The following PALLD variants were observed in gnomAD, a reference collection of about 807,000 sequenced individuals.
The protein encoded by PALLD is palladin, cytoskeletal associated protein.
In PALLD, 61 loss-of-function variants were observed where a neutral mutation model predicts 123.5. The observed-to-expected ratio is 0.49, with a 90% CI of 0.40 to 0.61. PALLD has a LOEUF of 0.61. Ranked by LOEUF, PALLD falls within the 20% of genes least tolerant of loss-of-function variation. The probability of loss-of-function intolerance (pLI) is 0.00; values close to 1 mark genes in which losing one functional copy is unlikely to be tolerated. For missense variants in PALLD, 1,273 were observed against 1,377.0 expected (o/e 0.92, Z 1.20); for synonymous variants, 465 against 496.4 (o/e 0.94, Z 0.84).
chr4:168,854,297 G>C (rs1007179947), intron 10 of PALLD, among the ~76,000 whole-genome samples: 1 of 152,188 alleles, frequency 6.6e-6, no homozygotes, highest in Non-Finnish European at 1.5e-5. Flanking sequence ...TAAACAAGCA[G>C]TTATCTTGCT....
chr4:168,918,462 C>G (rs1760724092), intron 17 of PALLD, among the ~76,000 whole-genome samples: 1 of 152,008 alleles, frequency 6.6e-6, no homozygotes, highest in African/African-American at 2.4e-5. Flanking sequence ...CAGGATCTTA[C>G]TTATATGTGC....
intron 2 of PALLD, among the ~76,000 whole-genome samples, chr4:168,553,042 A>C (rs1339315602): frequency 6.6e-6 from 1 of 152,134 alleles, no homozygotes; most frequent in African/African-American, 2.4e-5. Context: ...ATAACCCTAC[A>C]AACCTATAAC....
At chr4:168,745,455 T>A (rs561185608) in intron 10 of PALLD, among the ~76,000 whole-genome samples, 1 of 152,024 alleles carries the variant, frequency 6.6e-6, no homozygotes, top group African/African-American at 2.4e-5. Context: ...ATTCATTCTC[T>A]TAAAAAGGGG....
rs746003572 is a variant in PALLD at position 168,740,486 on chromosome 4, T to C, written c.1964+28563T>C. Reference sequence around the variant, plus strand: ...AGTTTCATCTCCCAAAATTTCCTCATGCTGTGGTTTTTTTTCTGAGCTGGA... The same window carrying C: ...AGTTTCATCTCCCAAAATTTCCTCACGCTGTGGTTTTTTTTCTGAGCTGGA... On this transcript the variant is annotated intron_variant, in intron 10 of 21. Transcript: ENST00000505667. Among the ~76,000 whole-genome samples the C allele has an allele frequency of 6.6e-5, 10 of 152,220 alleles. No homozygotes were observed. In the East Asian group the frequency reaches 1.3e-3, roughly 20 times the overall value.
intron 10 of PALLD, among the ~76,000 whole-genome samples, chr4:168,839,983 G>A (rs1188541893): frequency 3.3e-5 from 5 of 152,262 alleles, no homozygotes; most frequent in South Asian, 2.1e-4. Context: ...GTGTATTCCA[G>A]TGAAACCTCA....
At chr4:168,653,064 C>G (rs1294781626) in intron 2 of PALLD, among the ~76,000 whole-genome samples, 4 of 152,180 alleles carry the variant, frequency 2.6e-5, no homozygotes, top group African/African-American at 9.6e-5. Flanking sequence ...CTTGAATTTT[C>G]TTTACAACAC....
In PALLD at chr4:168,890,916, C is replaced by T. The variant is rs1173090540; in HGVS notation, c.1965-6C>T. ...AACTATACTGCCTTGTGTTTTTATC[C>T]TGCAGAGGATTTCCAAAGAAGGCCA... On this transcript the variant is annotated splice_region_variant and splice_polypyrimidine_tract_variant and intron_variant, in intron 10 of 21. Transcript: ENST00000505667. 1.9e-6 allele frequency: 3 copies of T among 1,613,814 alleles called. No homozygotes were observed. The highest frequency in any genetic ancestry group is 2.7e-5 in the African/African-American group (2 of 74,910).
At chr4:168,807,790 C>T (rs1174804991) in intron 10 of PALLD, among the ~76,000 whole-genome samples, 2 of 152,180 alleles carry the variant, frequency 1.3e-5, no homozygotes, top group African/African-American at 2.4e-5. Flanking sequence ...ACTGCAACTT[C>T]TGCCTGGCAG....
chr4:168,657,766 A>T (rs1391679025), intron 2 of PALLD, among the ~76,000 whole-genome samples: 1 of 152,164 alleles, frequency 6.6e-6, no homozygotes, highest in Non-Finnish European at 1.5e-5. Flanking sequence ...AGCCACATGT[A>T]CAGTAAGGAG....
intron 10 of PALLD, among the ~76,000 whole-genome samples, chr4:168,886,943 C>T (rs1753416203): frequency 6.6e-6 from 1 of 151,560 alleles, no homozygotes; most frequent in Admixed American, 6.6e-5. Context: ...ATGGTGAAAC[C>T]CCATCTCTAC....
rs148598962 is a variant in PALLD, at chr4:168,682,929, T to TA, written c.1155-57dup. ...AAACGTTTCAAGGAATTATTTCTGC[T>TA]AAAAAAAAAAAACAAAAAAACGAAA... is the stretch of plus-strand genomic sequence containing the variant. On this transcript the variant is annotated intron_variant, in intron 4 of 21. Transcript: ENST00000505667. The TA allele has an allele frequency of 0.21, 136,279 of 653,312 alleles. 616 individuals carry two copies. Among genetic ancestry groups the TA allele is most frequent in the South Asian group, 0.29 (13,985 of 47,736 alleles). The allele number at this position is 653,312 out of a possible 1,614,324, so 40.5% of individuals were successfully genotyped here. A position where few individuals can be genotyped will look rare whatever the true frequency, so the allele number is the denominator to read the frequency against.
chr4:168,608,162 G>T (rs1169603808), intron 2 of PALLD, among the ~76,000 whole-genome samples: 1 of 152,206 alleles, frequency 6.6e-6, no homozygotes, highest in Non-Finnish European at 1.5e-5. Context: ...AGCAGCGCTG[G>T]CAACCTATAA....
intron 10 of PALLD, among the ~76,000 whole-genome samples, chr4:168,745,415 C>A: frequency 1.0e-5 from 1 of 96,278 alleles, no homozygotes; most frequent in African/African-American, 4.4e-5. Flanking sequence ...TAGTTAGAGT[C>A]TGTGAGATGG....
At chr4:168,789,644 C>CAGTGAGCCGAGATCGT (rs1737220939) in intron 10 of PALLD, among the ~76,000 whole-genome samples, 1 of 147,482 alleles carries the variant, frequency 6.8e-6, no homozygotes, top group Non-Finnish European at 1.5e-5. Context: ...GCAGAGGTTG[C>CAGTGAGCCGAGATCGT]AGTGAGCCGA....
chr4:168,872,515 A>G (rs777067854), intron 10 of PALLD, among the ~76,000 whole-genome samples: 1 of 152,244 alleles, frequency 6.6e-6, no homozygotes, highest in Non-Finnish European at 1.5e-5. Context: ...GCAGTAATCA[A>G]TTTTAATTCT....
Position 168,878,084 on chromosome 4 carries a change from C to G in PALLD, c.1965-12838C>G, listed in dbSNP as rs1219099309. ...GACGCCGAGGCAGTTCGGCCGCGCC[C>G]CCGTGCCGCCCTTCGCGCAGCCCTT... On this transcript the variant is annotated intron_variant, in intron 10 of 21. Transcript: ENST00000505667. The G allele has an allele frequency of 6.9e-7, 1 of 1,443,286 alleles. No homozygotes were observed. The highest frequency in any genetic ancestry group is 2.8e-5 in the Admixed American group (1 of 36,216). The allele number at this position is 1,443,286 out of a possible 1,614,324, so 89.4% of individuals were successfully genotyped here.
intron 10 of PALLD, among the ~76,000 whole-genome samples, chr4:168,787,656 G>T (rs1293803444): frequency 6.6e-6 from 1 of 152,222 alleles, no homozygotes; most frequent in East Asian, 1.9e-4. Context: ...GACAATGCTG[G>T]TCTAAACCTA....
At chr4:168,515,355 C>A (rs1419781139) in intron 2 of PALLD, among the ~76,000 whole-genome samples, 1 of 152,212 alleles carries the variant, frequency 6.6e-6, no homozygotes, top group African/African-American at 2.4e-5. Context: ...CTGACTCAGA[C>A]TGTGTCAGTC....
rs528701229 is a variant in PALLD at position 168,896,822 on chromosome 4, G to GTATTTATT, written c.2250+241_2250+248dup. Among the ~76,000 whole-genome samples the GTATTTATT allele has an allele frequency of 1.5e-3, 235 of 151,648 alleles. 3 individuals carry two copies. The South Asian group carries it at 0.018, about 12-fold the overall frequency. ...ATTTATTTATTTATTTTTACTTTAT[G>GTATTTATT]TATTTATTTATTTATTTATTTATTT... On this transcript the variant is annotated intron_variant, in intron 13 of 21. Coordinates refer to ENST00000505667, the MANE Select transcript of PALLD (RefSeq NM_001166108.2).
Sources: gnomAD v4.1 joint callset for allele counts (sites outside exome capture counted in the v4.1 genomes callset) on GRCh38, gnomAD v4.1.1 for gene constraint, MANE v1.5 for transcripts, NCBI Gene and HGNC (gene_info 2026-07-23, HGNC 2026-07-21) for gene names.